Variants in SHANK2 observed in about 807,000 individuals in gnomAD.
SHANK2 encodes the protein SH3 and multiple ankyrin repeat domains 2, also known as SH3 and multiple ankyrin repeat domains protein 2.
SHANK2 carries 43 observed loss-of-function variants against 133.7 expected under a neutral mutation model. The observed-to-expected ratio is 0.32, with a 90% CI of 0.25 to 0.41. The LOEUF (loss-of-function observed/expected upper bound fraction) is 0.41, where lower values mean the gene tolerates loss of function less well. Ranked by LOEUF, SHANK2 falls within the 10% of genes least tolerant of loss-of-function variation. The pLI, the probability that SHANK2 is intolerant of heterozygous loss-of-function variation, is 1.00. For missense variants in SHANK2, 1,994 were observed against 2,235.8 expected, an observed-to-expected ratio of 0.89 and a Z score of 2.18; for synonymous variants, 1,017 against 952.8, an observed-to-expected ratio of 1.07 and a Z score of -1.24.
intron 17 of SHANK2, among the ~76,000 whole-genome samples, chr11:70,616,462 G>A (rs1442302587): frequency 4.6e-5 from 7 of 152,252 alleles, no homozygotes; most frequent in African/African-American, 1.2e-4. Context: ...TGCTAGGACC[G>A]CCCGAGGAGG....
chr11:70,750,836 G>A (rs998423275), intron 14 of SHANK2, among the ~76,000 whole-genome samples: 1 of 152,186 alleles, frequency 6.6e-6, no homozygotes, highest in African/African-American at 2.4e-5. Flanking sequence ...AAGCTCATTT[G>A]ACGTTGGAAA....
At chr11:70,861,988 G>C (rs1311820788) in intron 11 of SHANK2, among the ~76,000 whole-genome samples, 1 of 150,836 alleles carries the variant, frequency 6.6e-6, no homozygotes, top group Non-Finnish European at 1.5e-5. Flanking sequence ...GGGGGCAGGG[G>C]CAAAAAAAAA....
At chr11:70,732,801 C>T (rs1946317765) in intron 14 of SHANK2, among the ~76,000 whole-genome samples, 1 of 152,260 alleles carries the variant, frequency 6.6e-6, no homozygotes, top group Admixed American at 6.5e-5. Context: ...CCAGCACTCC[C>T]CAGCCCTGCA....
chr11:70,733,876 C>T (rs939501919), intron 14 of SHANK2, among the ~76,000 whole-genome samples: 4 of 152,298 alleles, frequency 2.6e-5, no homozygotes, highest in East Asian at 1.9e-4. Flanking sequence ...GCTGCCAAGG[C>T]GGGGAGGGTG....
At chr11:70,619,809 C>G (rs1197735643) in intron 17 of SHANK2, among the ~76,000 whole-genome samples, 9 of 152,172 alleles carry the variant, frequency 5.9e-5, no homozygotes, top group African/African-American at 2.2e-4. Flanking sequence ...GGGAGGAGGC[C>G]TCCATAACAG....
chr11:70,877,558 C>T (rs2135566246), intron 11 of SHANK2, among the ~76,000 whole-genome samples: 1 of 152,334 alleles, frequency 6.6e-6, no homozygotes, highest in South Asian at 2.1e-4. Flanking sequence ...CATTTCCTTT[C>T]CTTACTTCAC....
chr11:70,806,189 A>G (rs990937538), intron 13 of SHANK2, among the ~76,000 whole-genome samples: 4 of 152,168 alleles, frequency 2.6e-5, no homozygotes, highest in Non-Finnish European at 5.9e-5. Flanking sequence ...CCTGCCCTCC[A>G]ATGGCAAGGC....
intron 12 of SHANK2, among the ~76,000 whole-genome samples, chr11:70,820,084 C>A (rs1948484080): frequency 6.6e-6 from 1 of 152,198 alleles, no homozygotes; most frequent in Admixed American, 6.5e-5. Context: ...GAGAGGCCAG[C>A]AGTATCCCCA....
chr11:70,738,394 C>A (rs1946451820), intron 14 of SHANK2, among the ~76,000 whole-genome samples: 1 of 152,252 alleles, frequency 6.6e-6, no homozygotes, highest in Non-Finnish European at 1.5e-5. Flanking sequence ...CCCTGAGGGG[C>A]GCTGTGCTTG....
intron 11 of SHANK2, chr11:70,826,485 C>A: frequency 2.1e-6 from 1 of 471,136 alleles, no homozygotes; most frequent in South Asian, 1.5e-5. Context: ...TTGGTGAAGG[C>A]ATTTAACAAA....
intron 8 of SHANK2, among the ~76,000 whole-genome samples, chr11:71,089,298 C>T (rs1302945136): frequency 2.0e-5 from 3 of 152,138 alleles, no homozygotes; most frequent in South Asian, 2.1e-4. Flanking sequence ...GGAGAGGAGA[C>T]GGGCAGAGGA....
intron 2 of SHANK2, among the ~76,000 whole-genome samples, chr11:71,223,434 G>A (rs1263292257): frequency 6.6e-6 from 1 of 152,190 alleles, no homozygotes; most frequent in African/African-American, 2.4e-5. Flanking sequence ...TACCGAACAT[G>A]TACAGACATT....
intron 10 of SHANK2, among the ~76,000 whole-genome samples, chr11:70,899,012 G>T (rs1051457832): frequency 1.3e-5 from 2 of 152,166 alleles, no homozygotes; most frequent in Admixed American, 6.5e-5. Context: ...CAGGAAGAAG[G>T]CAAAATAACC....
At chr11:70,954,709 C>A (rs1030523556) in intron 10 of SHANK2, among the ~76,000 whole-genome samples, 1 of 152,236 alleles carries the variant, frequency 6.6e-6, no homozygotes, top group African/African-American at 2.4e-5. Context: ...TCCTGGGCCT[C>A]TGCCATCACT....
Position 70,487,400 on chromosome 11 carries a change from C to A in SHANK2, c.2893G>T (p.Asp965Tyr), listed in dbSNP as rs1308238720. Residue 965 changes from aspartate to tyrosine, a missense_variant, in exon 25 of 26, where the codon GAC (aspartate) becomes TAC (tyrosine). Physicochemically the swap from Asp to Tyr is radical, Grantham distance 160. This residue lies in a region of SHANK2 where 488 missense variants were observed against 642.6 expected (regional missense o/e 0.76). Transcript: ENST00000601538. This position sits in a 1 kb window ranked among gnomAD's most constrained non-coding sequence, Gnocchi z 5.8. Reference sequence around the variant, plus strand: ...GGGCCGGCATTCCGACTGTAGAGGTCTTCAGAGTCCAAGGAGTAGCGGTCC... The same window carrying A: ...GGGCCGGCATTCCGACTGTAGAGGTATTCAGAGTCCAAGGAGTAGCGGTCC... ...ELDRYSLDSE[D>Y]LYSRNAGPQA... is the part of the protein sequence containing the mutation. 1 of 1,614,144 alleles carries A rather than the reference C, an allele frequency of 6.2e-7. No homozygotes were observed. The highest frequency in any genetic ancestry group is 8.5e-7 in the Non-Finnish European group (1 of 1,180,038).
chr11:70,767,865 A>C (rs1947156397), intron 14 of SHANK2, among the ~76,000 whole-genome samples: 1 of 152,094 alleles, frequency 6.6e-6, no homozygotes, highest in Non-Finnish European at 1.5e-5. Context: ...AAACACAAAA[A>C]CCTTCCAGAA....
intron 14 of SHANK2, among the ~76,000 whole-genome samples, chr11:70,736,348 G>A (rs1357810381): frequency 1.3e-5 from 2 of 152,186 alleles, no homozygotes; most frequent in East Asian, 3.9e-4. Context: ...CGAAACCCAC[G>A]AGTGTGACCT....
chr11:71,088,318 A>G (rs1310315037), intron 8 of SHANK2, among the ~76,000 whole-genome samples: 1 of 152,154 alleles, frequency 6.6e-6, no homozygotes, highest in Non-Finnish European at 1.5e-5. Flanking sequence ...ACACACACAC[A>G]CATGCATGCA....
intron 10 of SHANK2, chr11:70,933,304 C>T (rs977124005): frequency 2.2e-5 from 10 of 454,634 alleles, no homozygotes; most frequent in African/African-American, 6.0e-5. Flanking sequence ...TAAATGAGCT[C>T]CCTAAAGTTC....
Sources: gnomAD v4.1 joint callset for allele counts (sites outside exome capture counted in the v4.1 genomes callset) on GRCh38, gnomAD v4.1.1 for gene constraint, gnomAD v4.1.1 regional missense constraint, Gnocchi (gnomAD v3.1) non-coding constraint, MANE v1.5 for transcripts, NCBI Gene and HGNC (gene_info 2026-07-23, HGNC 2026-07-21) for gene names.